WWOX: variants seen among roughly 807,000 people sequenced by gnomAD.
The protein encoded by WWOX is WW domain containing oxidoreductase, also known as WW domain-containing oxidoreductase.
In WWOX, 69 loss-of-function variants were observed where a neutral mutation model predicts 46.2. That is an observed-to-expected ratio of 1.49 (90% CI 1.23 to 1.82). The LOEUF (loss-of-function observed/expected upper bound fraction) is 1.82. WWOX is among the 40% of genes most tolerant of loss of function. The probability of loss-of-function intolerance (pLI) is 0.00; values close to 1 mark genes in which losing one functional copy is unlikely to be tolerated. For missense variants in WWOX, 919 were observed against 542.6 expected (o/e 1.69, Z -6.89); for synonymous variants, 359 against 202.6 (o/e 1.77, Z -6.56).
intron 8 of WWOX, among the ~76,000 whole-genome samples, chr16:79,113,486 A>G (rs993475032): frequency 1.3e-5 from 2 of 152,260 alleles, no homozygotes; most frequent in Admixed American, 6.5e-5. Context: ...TATTAGGGAC[A>G]TGCTAATACA....
At chr16:78,597,660 C>T (rs1228299954) in intron 8 of WWOX, among the ~76,000 whole-genome samples, 1 of 151,890 alleles carries the variant, frequency 6.6e-6, no homozygotes, top group East Asian at 1.9e-4. Context: ...TTTATGCTTT[C>T]CAAACCCCTA....
chr16:78,612,369 G>A (rs1279646867), intron 8 of WWOX, among the ~76,000 whole-genome samples: 1 of 152,190 alleles, frequency 6.6e-6, no homozygotes, highest in Non-Finnish European at 1.5e-5. Flanking sequence ...TATGAAGGAG[G>A]GCCCATCTCT....
chr16:78,633,334 C>G (rs1458197054), intron 8 of WWOX, among the ~76,000 whole-genome samples: 1 of 152,198 alleles, frequency 6.6e-6, no homozygotes, highest in Non-Finnish European at 1.5e-5. Context: ...GGCTACCCAA[C>G]TAGGTCGGGA....
chr16:79,052,797 G>T (rs1361433731), intron 8 of WWOX, among the ~76,000 whole-genome samples: 5 of 152,198 alleles, frequency 3.3e-5, no homozygotes, highest in Non-Finnish European at 2.9e-5. Flanking sequence ...TTAAATTCCT[G>T]TTCGAGTGCT....
At chr16:79,025,111 G>T (rs2047611255) in intron 8 of WWOX, among the ~76,000 whole-genome samples, 1 of 126,206 alleles carries the variant, frequency 7.9e-6, no homozygotes, top group South Asian at 3.1e-4. Flanking sequence ...AGTCAGGAAG[G>T]TGGGCTTGTT....
intron 8 of WWOX, among the ~76,000 whole-genome samples, chr16:78,956,547 TGTG>T: frequency 6.6e-6 from 1 of 152,250 alleles, no homozygotes; most frequent in South Asian, 2.1e-4. Context: ...ATATATATTC[TGTG>T]GGTTTTCACA....
intron 8 of WWOX, among the ~76,000 whole-genome samples, chr16:79,063,614 T>G (rs1456218413): frequency 6.6e-6 from 1 of 152,224 alleles, no homozygotes; most frequent in Non-Finnish European, 1.5e-5. Context: ...CTTTGGCCTT[T>G]AAGCCATCAC....
rs118087644 is a variant in WWOX, at chr16:78,642,990, T to C, written c.1056+210238T>C. 4.3e-3 allele frequency among the ~76,000 whole-genome samples: 652 copies of C among 152,288 alleles called. 6 individuals are homozygous for C. The highest frequency in any genetic ancestry group is 0.027 in the East Asian group (141 of 5,168). On this transcript the variant is annotated intron_variant, in intron 8 of 8. Transcript: ENST00000566780. ...ATTCTCTAAGGATTAAATCAGTTCATGGAGATGAAATACTTAAACTGTGCC... is the reference window on the plus strand; with the variant it reads ...ATTCTCTAAGGATTAAATCAGTTCACGGAGATGAAATACTTAAACTGTGCC...
intron 5 of WWOX, among the ~76,000 whole-genome samples, chr16:78,359,340 C>T (rs1014120463): frequency 2.6e-5 from 4 of 152,270 alleles, no homozygotes; most frequent in Non-Finnish European, 5.9e-5. Context: ...CTCTAAAGCT[C>T]TCAGGCTAAT....
chr16:78,803,542 GC>G (rs944965018), intron 8 of WWOX, among the ~76,000 whole-genome samples: 3 of 152,106 alleles, frequency 2.0e-5, no homozygotes, highest in African/African-American at 7.2e-5. Flanking sequence ...GACCTTGTGG[GC>G]TCAAGCAGTC....
chr16:78,973,967 A>C (rs1302545756), intron 8 of WWOX, among the ~76,000 whole-genome samples: 1 of 152,214 alleles, frequency 6.6e-6, no homozygotes, highest in Non-Finnish European at 1.5e-5. Flanking sequence ...GATTATTTCA[A>C]GGTGATTTTA....
intron 8 of WWOX, among the ~76,000 whole-genome samples, chr16:78,768,698 G>C (rs990268784): frequency 6.6e-6 from 1 of 151,958 alleles, no homozygotes; most frequent in Admixed American, 6.6e-5. Context: ...AGTGTAGTTT[G>C]TCACTCTAAT....
At chr16:78,791,170 A>C (rs924098214) in intron 8 of WWOX, among the ~76,000 whole-genome samples, 4 of 152,126 alleles carry the variant, frequency 2.6e-5, no homozygotes, top group African/African-American at 9.7e-5. Flanking sequence ...TGCTTTCCTG[A>C]CTACCATCTG....
intron 4 of WWOX, chr16:78,123,456 T>TTTTTTTTTTTTTTTTG (rs2033215930): frequency 6.9e-5 from 1 of 14,438 alleles, no homozygotes; most frequent in African/African-American, 2.3e-4. Context: ...TTTTTTTTTG[T>TTTTTTTTTTTTTTTTG]TTTTTTTTTT....
At chr16:78,419,904 A>T (rs2082883019) in intron 6 of WWOX, among the ~76,000 whole-genome samples, 1 of 152,136 alleles carries the variant, frequency 6.6e-6, no homozygotes, top group Non-Finnish European at 1.5e-5. Flanking sequence ...TAAATAAGGG[A>T]TTTGTATCTA....
chr16:78,767,609 C>A (rs902545163), intron 8 of WWOX, among the ~76,000 whole-genome samples: 1 of 152,022 alleles, frequency 6.6e-6, no homozygotes, highest in Non-Finnish European at 1.5e-5. Flanking sequence ...TGCGTCGTTT[C>A]GTATCTGTGT....
intron 8 of WWOX, among the ~76,000 whole-genome samples, chr16:78,772,043 T>C (rs866028524): frequency 6.2e-4 from 95 of 152,340 alleles, no homozygotes; most frequent in Middle Eastern, 3.4e-3. Flanking sequence ...GTAATTCTTT[T>C]TTTAACTTTT....
At chr16:79,181,799 A>C (rs984190356) in intron 8 of WWOX, among the ~76,000 whole-genome samples, 5 of 152,202 alleles carry the variant, frequency 3.3e-5, no homozygotes, top group African/African-American at 1.2e-4. Context: ...GCCTGCAAAC[A>C]ATCCCACTGC....
chr16:79,094,086 C>T (rs2049019348), intron 8 of WWOX, among the ~76,000 whole-genome samples: 1 of 152,178 alleles, frequency 6.6e-6, no homozygotes. Flanking sequence ...ACCTAGCACT[C>T]ATCCCACCTC....
Sources: gnomAD v4.1 joint callset for allele counts (sites outside exome capture counted in the v4.1 genomes callset) on GRCh38, gnomAD v4.1.1 for gene constraint, MANE v1.5 for transcripts, NCBI Gene and HGNC (gene_info 2026-07-23, HGNC 2026-07-21) for gene names.